The following DCK variants were observed in gnomAD, a reference collection of about 807,000 sequenced individuals.
DCK encodes deoxyadenosine kinase.
A neutral mutation model predicts 38.3 loss-of-function variants in DCK; 23 were observed. The observed-to-expected ratio is 0.60, with a 90% CI of 0.43 to 0.85. The LOEUF (loss-of-function observed/expected upper bound fraction) is 0.85. Among genes scored for constraint, DCK ranks in the 40% least tolerant of loss-of-function variants. The probability of loss-of-function intolerance (pLI) is 0.00; values close to 1 mark genes in which losing one functional copy is unlikely to be tolerated. For synonymous variants in DCK, 108 were observed against 100.6 expected, an observed-to-expected ratio of 1.07 and a Z score of -0.44; for missense variants, 259 against 304.4, an observed-to-expected ratio of 0.85 and a Z score of 1.11.
At chr4:71,013,108 G>A (rs1034159520) in intron 2 of DCK, among the ~76,000 whole-genome samples, 3 of 152,210 alleles carry the variant, frequency 2.0e-5, no homozygotes, top group African/African-American at 4.8e-5. Flanking sequence ...ACTACATGAC[G>A]AATGCACAAG....
At chr4:70,998,487 CTA>C (rs1235841254) in intron 2 of DCK, among the ~76,000 whole-genome samples, 1 of 152,008 alleles carries the variant, frequency 6.6e-6, no homozygotes, top group East Asian at 1.9e-4. Flanking sequence ...TATAAGTAAT[CTA>C]GAGATGATTT....
chr4:71,000,234 G>A (rs537613725), intron 2 of DCK, among the ~76,000 whole-genome samples: 1 of 152,094 alleles, frequency 6.6e-6, no homozygotes, highest in Non-Finnish European at 1.5e-5. Context: ...TCCGTTTTCT[G>A]CATATGGCTA....
At chr4:71,007,122 C>G (rs1739965634) in intron 2 of DCK, among the ~76,000 whole-genome samples, 1 of 152,162 alleles carries the variant, frequency 6.6e-6, no homozygotes, top group Non-Finnish European at 1.5e-5. Flanking sequence ...TCAGTACACC[C>G]CAATCCTTAG....
chr4:71,029,340 T>A lies in DCK; in HGVS notation c.757-12T>A. ...AGGAATTATACTGATTTTTTTTTCT[T>A]CCTTTCCTCAGGTCAAAGAGTTTTT... On this transcript the variant is annotated splice_polypyrimidine_tract_variant and intron_variant, in intron 6 of 6. Transcript: ENST00000286648. The A allele has an allele frequency of 1.3e-6, 2 of 1,574,560 alleles. No homozygotes were observed. The highest frequency in any genetic ancestry group is 1.7e-6 in the Non-Finnish European group (2 of 1,159,896).
chr4:71,028,083 C>A (rs1740584007), intron 6 of DCK, among the ~76,000 whole-genome samples: 1 of 152,130 alleles, frequency 6.6e-6, no homozygotes, highest in South Asian at 2.1e-4. Flanking sequence ...TCATTGACTC[C>A]TTACATGATT....
At position 71,004,906 on chromosome 4, in the gene DCK, G is replaced by GGGATCTGCTGAGCAAGACCACTTGGCT. The variant is rs1247291719; in HGVS notation, c.207+6725_207+6751dup. 9.2e-5 allele frequency among the ~76,000 whole-genome samples: 14 copies of GGGATCTGCTGAGCAAGACCACTTGGCT among 152,064 alleles called. No individual in the cohort carries two copies. The East Asian group carries it at 2.5e-3, about 27-fold the overall frequency. On this transcript the variant is annotated intron_variant, in intron 2 of 6. Transcript: ENST00000286648. ...TTAGCTTGCTGGGCTCCGTGGGGGT[G>GGGATCTGCTGAGCAAGACCACTTGGCT]GGATCTGCTGAGCAAGACCACTTGG...
Position 71,023,687 on chromosome 4 carries a change from A to G in DCK, c.530A>G (p.Tyr177Cys). The change falls in exon 4 of 7, where the codon TAT becomes TGT. Residue 177 changes from tyrosine (Y) to cysteine (C), a missense_variant. This residue lies in a region of DCK where 82 missense variants were observed against 103.8 expected (regional missense o/e 0.79). Coordinates refer to ENST00000286648, the MANE Select transcript of DCK (RefSeq NM_000788.3). ...AGCCTTGAATTGGATGGAATCATTT[A>G]TCTTCAAGCCACTCCAGAGGTAAAA... ...GQSLELDGIIYLQATPETCLH... is the reference protein window; with the variant it reads ...GQSLELDGIICLQATPETCLH... 1 of 1,611,456 alleles carries G rather than the reference A, an allele frequency of 6.2e-7. No individual in the cohort carries two copies. The highest frequency in any genetic ancestry group is 1.1e-5 in the South Asian group (1 of 90,172).
At chr4:70,999,630 T>A (rs1297430094) in intron 2 of DCK, among the ~76,000 whole-genome samples, 1 of 152,202 alleles carries the variant, frequency 6.6e-6, no homozygotes, top group Non-Finnish European at 1.5e-5. Flanking sequence ...TAATTTACAC[T>A]CCCACTAACA....
intron 2 of DCK, among the ~76,000 whole-genome samples, chr4:71,017,785 G>C (rs1479365398): frequency 8.5e-6 from 1 of 117,500 alleles, no homozygotes; most frequent in Non-Finnish European, 1.7e-5. Flanking sequence ...GTTGTGGGGT[G>C]GGGGGAGGGG....
At chr4:71,022,601 A>T (rs1578429452) in intron 3 of DCK, 41 bp downstream of exon 3, 2 of 1,205,816 alleles carry the variant, frequency 1.7e-6, no homozygotes, top group Non-Finnish European at 1.1e-6. Context: ...TGAAGTTTTT[A>T]TCTTAGAACT....
intron 4 of DCK, among the ~76,000 whole-genome samples, chr4:71,025,234 A>T (rs1312057404): frequency 6.6e-6 from 1 of 152,122 alleles, no homozygotes; most frequent in African/African-American, 2.4e-5. Context: ...AAAATTAAAT[A>T]AAATTTAGAT....
chr4:71,005,140 G>A (rs1022848123), intron 2 of DCK, among the ~76,000 whole-genome samples: 1 of 152,190 alleles, frequency 6.6e-6, no homozygotes, highest in African/African-American at 2.4e-5. Flanking sequence ...TGGTCTGCGG[G>A]TTGTGAAGAC....
chr4:71,013,332 A>T (rs1182283023), intron 2 of DCK, among the ~76,000 whole-genome samples: 3 of 152,176 alleles, frequency 2.0e-5, no homozygotes, highest in Non-Finnish European at 2.9e-5. Context: ...TGGAAAACAC[A>T]CTTCAGGATA....
chr4:70,994,053 C>A (rs1739604896), intron 1 of DCK, 127 bp downstream of exon 1: 10 of 736,592 alleles, frequency 1.4e-5, no homozygotes, highest in Non-Finnish European at 2.1e-5. Context: ...GGTGTGGACG[C>A]GGCCTCGGCT....
chr4:71,002,881 C>A (rs1163105066), intron 2 of DCK, among the ~76,000 whole-genome samples: 1 of 152,100 alleles, frequency 6.6e-6, no homozygotes, highest in Non-Finnish European at 1.5e-5. Flanking sequence ...CTCCTGAATA[C>A]CGCACACTGA....
At chr4:71,016,067 T>A (rs1490846688) in intron 2 of DCK, among the ~76,000 whole-genome samples, 1 of 152,206 alleles carries the variant, frequency 6.6e-6, no homozygotes, top group East Asian at 1.9e-4. Flanking sequence ...CTTAAGCTGA[T>A]AAGCAACTTC....
At chr4:71,014,094 C>CA (rs910338458) in intron 2 of DCK, among the ~76,000 whole-genome samples, 19 of 150,878 alleles carry the variant, frequency 1.3e-4, no homozygotes, top group Non-Finnish European at 2.5e-4. Context: ...AAATGGAAAA[C>CA]AAAAAAAAGG....
intron 2 of DCK, among the ~76,000 whole-genome samples, chr4:71,000,890 T>C (rs1739784726): frequency 6.6e-6 from 1 of 152,218 alleles, no homozygotes; most frequent in Admixed American, 6.5e-5. Flanking sequence ...TTTACTGAAG[T>C]TGCTTGTCAC....
At chr4:71,013,824 A>G (rs1009156748) in intron 2 of DCK, among the ~76,000 whole-genome samples, 2 of 152,230 alleles carry the variant, frequency 1.3e-5, no homozygotes, top group Non-Finnish European at 2.9e-5. Flanking sequence ...TGTAAAGACC[A>G]TCGAGGCTAG....
Sources: allele counts gnomAD v4.1 joint callset (sites outside exome capture counted in the v4.1 genomes callset), GRCh38; gene constraint gnomAD v4.1.1; regional missense constraint gnomAD v4.1.1; transcripts MANE v1.5; gene names NCBI Gene and HGNC (gene_info 2026-07-23, HGNC 2026-07-21).